GREB1: variants seen among roughly 807,000 people sequenced by gnomAD.
The protein encoded by GREB1 is protein GREB1.
A neutral mutation model predicts 200.7 loss-of-function variants in GREB1; 106 were observed. That is an observed-to-expected ratio of 0.53 (90% CI 0.45 to 0.62). The LOEUF (loss-of-function observed/expected upper bound fraction) is 0.62, where lower values mean the gene tolerates loss of function less well. Ranked by LOEUF, GREB1 falls within the 20% of genes least tolerant of loss-of-function variation. The probability of loss-of-function intolerance (pLI) is 0.00; values close to 1 mark genes in which losing one functional copy is unlikely to be tolerated. For missense variants in GREB1, 2,243 were observed against 2,556.8 expected (o/e 0.88, Z 2.65); for synonymous variants, 1,132 against 1,092.4 (o/e 1.04, Z -0.72).
chr2:11,529,193 A>T (rs1380834445), upstream of GREB1, among the ~76,000 whole-genome samples: 1 of 152,238 alleles, frequency 6.6e-6, no homozygotes, highest in Non-Finnish European at 1.5e-5. Flanking sequence ...CAGTAAAAAG[A>T]CACATTGGAA....
intron 1 of GREB1, among the ~76,000 whole-genome samples, chr2:11,526,270 A>C (rs1012870913): frequency 2.0e-5 from 3 of 152,124 alleles, no homozygotes; most frequent in Middle Eastern, 3.2e-3. Context: ...CTTCCTTTAT[A>C]TCACTAGTCC....
intron 4 of GREB1, among the ~76,000 whole-genome samples, chr2:11,573,734 C>G (rs1678549267): frequency 6.6e-6 from 1 of 152,188 alleles, no homozygotes; most frequent in Non-Finnish European, 1.5e-5. Context: ...TAAATGTTTC[C>G]TGTACCAGCA....
chr2:11,496,304 G>A (rs1672885266), intron 1 of GREB1, among the ~76,000 whole-genome samples: 1 of 152,156 alleles, frequency 6.6e-6, no homozygotes, highest in Admixed American at 6.6e-5. Context: ...GATCACCACG[G>A]ATGGGAACAA....
In GREB1 at chr2:11,566,493, C is replaced by T. The variant is rs778748402; in HGVS notation, c.291C>T (p.Ala97=). 5.6e-6 allele frequency: 9 copies of T among 1,609,158 alleles called. No individual in the cohort carries two copies. The highest frequency in any genetic ancestry group is 3.3e-5 in the Admixed American group (2 of 59,790). Reference sequence around the variant, plus strand: ...CACCCCTCCTAGGGTTTTGCCAGGCCGGGAAGGACCTGCGCCTTGTCTCCA... The same window carrying T: ...CACCCCTCCTAGGGTTTTGCCAGGCTGGGAAGGACCTGCGCCTTGTCTCCA... The part of the protein sequence containing the change: ...GCCTTDGFCQ[A]GKDLRLVSIS... Residue 97 remains alanine, a synonymous_variant, in exon 4 of 33, where the codon GCC becomes GCT. Transcript: ENST00000381486.
intron 17 of GREB1, among the ~76,000 whole-genome samples, chr2:11,609,805 C>T (rs2148300476): frequency 6.6e-6 from 1 of 152,320 alleles, no homozygotes; most frequent in African/African-American, 2.4e-5. Flanking sequence ...CCTGATAGAA[C>T]TCACAGGGTG....
At chr2:11,571,109 A>G (rs1344555896) in intron 4 of GREB1, among the ~76,000 whole-genome samples, 1 of 152,134 alleles carries the variant, frequency 6.6e-6, no homozygotes, top group African/African-American at 2.4e-5. Context: ...GTGGGGATTT[A>G]AAATAATGTT....
At chr2:11,608,583 A>C (rs1389151800) in intron 17 of GREB1, among the ~76,000 whole-genome samples, 1 of 152,210 alleles carries the variant, frequency 6.6e-6, no homozygotes, top group Non-Finnish European at 1.5e-5. Flanking sequence ...TCTTGGTTTT[A>C]AACTTTGTTA....
intron 1 of GREB1, among the ~76,000 whole-genome samples, chr2:11,523,343 C>T (rs1673765924): frequency 6.6e-6 from 1 of 152,076 alleles, no homozygotes; most frequent in Non-Finnish European, 1.5e-5. Flanking sequence ...ATGAGTTTAC[C>T]TGTATAACAA....
intron 6 of GREB1, among the ~76,000 whole-genome samples, chr2:11,579,020 A>G (rs1679188479): frequency 6.6e-6 from 1 of 152,154 alleles, no homozygotes; most frequent in African/African-American, 2.4e-5. Context: ...TGTTGCACAG[A>G]CTTCCTAAGC....
At chr2:11,599,592 C>T (rs1235014202) in intron 15 of GREB1, among the ~76,000 whole-genome samples, 3 of 150,460 alleles carry the variant, frequency 2.0e-5, no homozygotes, top group African/African-American at 7.4e-5. Context: ...ACGATCTCCG[C>T]TCACTGCAAA....
rs765186202 is a variant in GREB1, at chr2:11,618,383, G to A, written c.3508G>A (p.Gly1170Ser). ...SPQPRGPAEE[G>S]RAPGEKQRPR... ...CCAGCCCCGTGGCCCCGCAGAGGAG[G>A]GCAGAGCCCCTGGTGAGAAACAGAG... The change falls in exon 22 of 33, where the codon GGC becomes AGC. Residue 1170 changes from glycine (G) to serine (S), a missense_variant. This residue lies in a region of GREB1 where 587 missense variants were observed against 553.1 expected (regional missense o/e 1.06). Coordinates refer to ENST00000381486, the MANE Select transcript of GREB1 (RefSeq NM_014668.4). 6.8e-6 allele frequency: 11 copies of A among 1,612,046 alleles called. 1 individual carries two copies. Among genetic ancestry groups the A allele is most frequent in the South Asian group, 1.1e-5 (1 of 90,952 alleles).
chr2:11,613,853 T>A (rs891266010), intron 19 of GREB1, among the ~76,000 whole-genome samples: 3 of 152,164 alleles, frequency 2.0e-5, no homozygotes, highest in African/African-American at 7.2e-5. Flanking sequence ...CAATGAACGA[T>A]CATTTGCTTG....
intron 1 of GREB1, among the ~76,000 whole-genome samples, chr2:11,485,768 T>A (rs1672642898): frequency 6.6e-6 from 1 of 152,196 alleles, no homozygotes; most frequent in African/African-American, 2.4e-5. Context: ...TTACTTGACA[T>A]TAGAAACCCC....
chr2:11,640,684 C>G lies in GREB1; in HGVS notation c.*230C>G, dbSNP rs1685755989. On this transcript the variant is annotated 3_prime_UTR_variant, in exon 33 of 33. Coordinates refer to ENST00000381486, the MANE Select transcript of GREB1 (RefSeq NM_014668.4). The surrounding 1 kb of genome is among the most constrained non-coding windows in gnomAD (Gnocchi z 4.6). ...TGAGACTCCCAAGTTCTGGGCCAGC[C>G]CATTGCTCTGGGCTGTTTTAAAGCC... 3 of 544,540 alleles carry G rather than the reference C, an allele frequency of 5.5e-6. No individual in the cohort carries two copies. In the Admixed American group the frequency reaches 1.1e-4, roughly 20 times the overall value. The allele number at this position is 544,540 out of a possible 1,614,324, so 33.7% of individuals were successfully genotyped here.
In GREB1 at chr2:11,606,521, A is replaced by G. The variant is rs557084919; in HGVS notation, c.2666+3979A>G. 3.5e-4 allele frequency among the ~76,000 whole-genome samples: 53 copies of G among 152,232 alleles called. No homozygotes were observed. In the South Asian group the frequency reaches 0.01, roughly 29 times the overall value. ...AAGTTGACTCCTTTATTATTTTCAA[A>G]CGACCCAAAGAATATTATTTATAGC... On this transcript the variant is annotated intron_variant, in intron 17 of 32. Transcript: ENST00000381486.
chr2:11,611,155 C>G, intron 18 of GREB1, 128 bp downstream of exon 18: 1 of 715,830 alleles, frequency 1.4e-6, no homozygotes, highest in Non-Finnish European at 2.3e-6. Context: ...ACCCAGCCAC[C>G]CCTCAGCCTC....
At chr2:11,552,792 A>T (rs1338299524) in intron 1 of GREB1, among the ~76,000 whole-genome samples, 2 of 151,980 alleles carry the variant, frequency 1.3e-5, no homozygotes. Flanking sequence ...CGGGCGGATC[A>T]CGAGGTCAGG....
At chr2:11,577,503 C>T (rs1377746879) in intron 5 of GREB1, among the ~76,000 whole-genome samples, 1 of 152,228 alleles carries the variant, frequency 6.6e-6, no homozygotes, top group Non-Finnish European at 1.5e-5. Flanking sequence ...GCAGGCTGCC[C>T]TCCCACCCTT....
Position 11,625,252 on chromosome 2 carries a change from G to A in GREB1, c.4246G>A (p.Asp1416Asn), listed in dbSNP as rs200908374. The change falls in exon 24 of 33, where the codon GAC becomes AAC. Residue 1416 changes from aspartate (D) to asparagine (N), a missense_variant. Coordinates refer to ENST00000381486, the MANE Select transcript of GREB1 (RefSeq NM_014668.4). ...KKLPFDYIIH[D>N]PKYEDASLIC... is the part of the protein sequence containing the mutation. Reference sequence around the variant, plus strand: ...GTTGCCCTTTGACTACATCATTCACGACCCGAAGTATGAAGATGCCAGCCT... The same window carrying A: ...GTTGCCCTTTGACTACATCATTCACAACCCGAAGTATGAAGATGCCAGCCT... The A allele has an allele frequency of 1.3e-3, 2,086 of 1,613,974 alleles. 3 individuals are homozygous for A. Among genetic ancestry groups the A allele is most frequent in the Non-Finnish European group, 1.6e-3 (1,915 of 1,179,978 alleles).
Sources: allele counts gnomAD v4.1 joint callset (sites outside exome capture counted in the v4.1 genomes callset), GRCh38; gene constraint gnomAD v4.1.1; regional missense constraint gnomAD v4.1.1; non-coding constraint Gnocchi (gnomAD v3.1); transcripts MANE v1.5; gene names NCBI Gene and HGNC (gene_info 2026-07-23, HGNC 2026-07-21).